The following SNX1 variants were observed in gnomAD, a reference collection of about 807,000 sequenced individuals.
SNX1 encodes the protein sorting nexin-1.
In SNX1, 36 loss-of-function variants were observed where a neutral mutation model predicts 71.8. That is an observed-to-expected ratio of 0.50 (90% CI 0.38 to 0.66). The LOEUF is 0.66. SNX1 is among the 30% of genes least tolerant of loss of function. SNX1 has a pLI of 0.00. For missense variants in SNX1, 612 were observed against 646.7 expected, an observed-to-expected ratio of 0.95 and a Z score of 0.58; for synonymous variants, 254 against 240.7, an observed-to-expected ratio of 1.06 and a Z score of -0.51.
At chr15:64,130,111 GA>G in intron 9 of SNX1, 82 bp downstream of exon 9, 2 of 1,473,788 alleles carry the variant, frequency 1.4e-6, no homozygotes, top group South Asian at 2.3e-5. Flanking sequence ...AAATTTCTGA[GA>G]TTAGAAACTT....
At chr15:64,119,755 A>ACAC (rs1567324958) in intron 4 of SNX1, among the ~76,000 whole-genome samples, 1 of 144,550 alleles carries the variant, frequency 6.9e-6, no homozygotes, top group African/African-American at 2.5e-5. Context: ...CACACACACA[A>ACAC]AAAACATTAT....
At chr15:64,121,786 A>T (rs2081199311) in intron 4 of SNX1, among the ~76,000 whole-genome samples, 1 of 152,222 alleles carries the variant, frequency 6.6e-6, no homozygotes, top group South Asian at 2.1e-4. Context: ...TGATGCCAAG[A>T]AACCAGCTAA....
At chr15:64,133,439 G>T in intron 11 of SNX1, among the ~76,000 whole-genome samples, 1 of 152,220 alleles carries the variant, frequency 6.6e-6, no homozygotes, top group East Asian at 1.9e-4. Context: ...TAGACAATAT[G>T]CAGGGAAGGT....
rs1728007274 is a variant in SNX1 at position 64,134,543 on chromosome 15, TG to T, written c.1222-120del. Reference sequence around the variant, plus strand: ...TCCCAGCTGGGCACTAACATGTGGCTGCAGAACCTGCCCTTGCTCAGTCTGT... The same window carrying T: ...TCCCAGCTGGGCACTAACATGTGGCTCAGAACCTGCCCTTGCTCAGTCTGT... On this transcript the variant is annotated intron_variant, in intron 11 of 14. Coordinates refer to ENST00000559844, the MANE Select transcript of SNX1 (RefSeq NM_003099.5). The surrounding 1 kb of genome is among the most constrained non-coding windows in gnomAD (Gnocchi z 4.1). 8.3e-7 allele frequency: 1 copy of T among 1,203,660 alleles called. No homozygotes were observed. Among genetic ancestry groups the T allele is most frequent in the Admixed American group, 2.6e-5 (1 of 38,378 alleles). The allele number at this position is 1,203,660 out of a possible 1,614,324, so 74.6% of individuals were successfully genotyped here.
Position 64,134,593 on chromosome 15 carries a change from C to T in SNX1, c.1222-71C>T. On this transcript the variant is annotated intron_variant, in intron 11 of 14. Coordinates refer to ENST00000559844, the MANE Select transcript of SNX1 (RefSeq NM_003099.5). This position sits in a 1 kb window ranked among gnomAD's most constrained non-coding sequence, Gnocchi z 4.1. ...GTCCCTGGTGCAGCTGCTGGGAGAGCCTGCCTCGAGGCAGAGCCAGCAGAG... is the reference window on the plus strand; with the variant it reads ...GTCCCTGGTGCAGCTGCTGGGAGAGTCTGCCTCGAGGCAGAGCCAGCAGAG... 1 of 1,529,134 alleles carries T rather than the reference C, an allele frequency of 6.5e-7. No homozygotes were observed. The highest frequency in any genetic ancestry group is 8.8e-7 in the Non-Finnish European group (1 of 1,131,044). 94.7% of individuals were successfully genotyped at this position (1,529,134 alleles called of 1,614,324 possible). A position where few individuals can be genotyped will look rare whatever the true frequency, so the allele number is the denominator to read the frequency against.
chr15:64,136,054 C>G (rs990269665), intron 12 of SNX1, among the ~76,000 whole-genome samples: 2 of 152,216 alleles, frequency 1.3e-5, no homozygotes, highest in Non-Finnish European at 2.9e-5. Flanking sequence ...AGTACCTAAA[C>G]TGGAGGCTGC....
In SNX1 at chr15:64,142,807, C is replaced by T. The variant is rs751213236; in HGVS notation, c.*5189C>T. 2.7e-5 allele frequency: 10 copies of T among 374,386 alleles called. No individual in the cohort carries two copies. The East Asian group carries it at 4.1e-4, about 15-fold the overall frequency. The allele number at this position is 374,386 out of a possible 1,614,324, so 23.2% of individuals were successfully genotyped here. A position where few individuals can be genotyped will look rare whatever the true frequency, so the allele number is the denominator to read the frequency against. On this transcript the variant is annotated 3_prime_UTR_variant, in exon 15 of 15. Transcript: ENST00000559844. ...TCAGTGACAAAATAAATGAGAGAAACGGGAATAAGAATTGTCGCCTACACA... is the reference window on the plus strand; with the variant it reads ...TCAGTGACAAAATAAATGAGAGAAATGGGAATAAGAATTGTCGCCTACACA...
Position 64,131,892 on chromosome 15 carries a change from C to A in SNX1, c.1221C>A (p.Arg407=), listed in dbSNP as rs750456750. The change falls in exon 11 of 15, where the codon CGC becomes CGA. Residue 407 remains arginine (R), a splice_region_variant and synonymous_variant. Coordinates refer to ENST00000559844, the MANE Select transcript of SNX1 (RefSeq NM_003099.5). ...ACATTCGCCTCCTGGCCATAGTCCGCGTAAGCTTCTGTTTCCTTTTCTCCT... is the reference window on the plus strand; with the variant it reads ...ACATTCGCCTCCTGGCCATAGTCCGAGTAAGCTTCTGTTTCCTTTTCTCCT... The part of the protein sequence containing the change: ...SDYIRLLAIV[R]AAFDQRMKTW... 6.2e-7 allele frequency: 1 copy of A among 1,613,454 alleles called. No individual in the cohort carries two copies. Among genetic ancestry groups the A allele is most frequent in the Non-Finnish European group, 8.5e-7 (1 of 1,179,490 alleles).
chr15:64,130,953 A>C (rs1213865486), intron 10 of SNX1, among the ~76,000 whole-genome samples: 1 of 151,844 alleles, frequency 6.6e-6, no homozygotes, highest in Non-Finnish European at 1.5e-5. Flanking sequence ...GGGAGAAAAG[A>C]ATCTGTAGCA....
intron 1 of SNX1, among the ~76,000 whole-genome samples, chr15:64,099,981 G>A (rs1263481042): frequency 1.3e-5 from 2 of 152,160 alleles, no homozygotes; most frequent in Non-Finnish European, 2.9e-5. Flanking sequence ...CAAAGTGCTG[G>A]GATTACAGGC....
At chr15:64,118,062 T>C in intron 2 of SNX1, 55 bp from the exon 3 acceptor site, 7 of 1,571,278 alleles carry the variant, frequency 4.5e-6, no homozygotes, top group Non-Finnish European at 6.1e-6. Context: ...TATACAAGTT[T>C]AGCCTTCAAA....
rs1452979783 is a variant in SNX1, at chr15:64,141,425, C to A, written c.*3807C>A. 1 of 152,212 alleles carries A rather than the reference C, an allele frequency of 6.6e-6. No homozygotes were observed. Among genetic ancestry groups the A allele is most frequent in the Admixed American group, 6.5e-5 (1 of 15,276 alleles). The allele number at this position is 152,212 out of a possible 1,614,324, so 9.4% of individuals were successfully genotyped here. ...GTAGGCCAGTAGTGGGTTAGGGGTACTGAGCCAGAAGCCTCTACAAGGAAT... is the reference window on the plus strand; with the variant it reads ...GTAGGCCAGTAGTGGGTTAGGGGTAATGAGCCAGAAGCCTCTACAAGGAAT... On this transcript the variant is annotated 3_prime_UTR_variant, in exon 15 of 15. Coordinates refer to ENST00000559844, the MANE Select transcript of SNX1 (RefSeq NM_003099.5). This position sits in a 1 kb window ranked among gnomAD's most constrained non-coding sequence, Gnocchi z 5.1.
At chr15:64,106,568 G>T (rs1290565817) in intron 1 of SNX1, among the ~76,000 whole-genome samples, 2 of 152,214 alleles carry the variant, frequency 1.3e-5, no homozygotes, top group Non-Finnish European at 2.9e-5. Context: ...TGGCAAGGGG[G>T]AGTTAAGGTT....
In SNX1 at chr15:64,096,021, C is replaced by T. The variant is rs779691030; in HGVS notation, c.8C>T (p.Ser3Leu). 9.4e-6 allele frequency: 15 copies of T among 1,596,232 alleles called. No individual in the cohort carries two copies. Among genetic ancestry groups the T allele is most frequent in the Non-Finnish European group, 1.2e-5 (14 of 1,175,260 alleles). Residue 3 changes from serine (S) to leucine (L), a missense_variant, in exon 1 of 15, where the codon TCG becomes TTG. By Grantham distance (145) the Ser-to-Leu change is moderately radical. Around this residue, in one of 2 missense-constraint regions of SNX1, gnomAD observed 316 missense variants for 284.9 expected, o/e 1.11. Transcript: ENST00000559844. MASGGGGCSASER... is the reference protein window; with the variant it reads MALGGGGCSASER... ...CGCCGCGGGTGGAAGAAGATGGCGTCGGGTGGTGGTGGCTGTAGCGCTTCG... is the reference window on the plus strand; with the variant it reads ...CGCCGCGGGTGGAAGAAGATGGCGTTGGGTGGTGGTGGCTGTAGCGCTTCG...
At chr15:64,130,855 A>T (rs1860402903) in intron 10 of SNX1, among the ~76,000 whole-genome samples, 1 of 152,246 alleles carries the variant, frequency 6.6e-6, no homozygotes, top group Non-Finnish European at 1.5e-5. Context: ...GGCAAAGTAT[A>T]ATCTGGCCCA....
chr15:64,106,454 T>C (rs930096848), intron 1 of SNX1, among the ~76,000 whole-genome samples: 3 of 152,126 alleles, frequency 2.0e-5, no homozygotes, highest in African/African-American at 7.2e-5. Context: ...TGAAACGTGG[T>C]GGGAGAGGAG....
intron 2 of SNX1, 60 bp downstream of exon 2, chr15:64,112,744 A>G: frequency 9.3e-7 from 1 of 1,076,088 alleles, no homozygotes; most frequent in Non-Finnish European, 1.4e-6. Flanking sequence ...TAAGTTGCTG[A>G]GTTAAAGTCA....
At chr15:64,123,282 C>G (rs915961389) in intron 4 of SNX1, among the ~76,000 whole-genome samples, 1 of 152,198 alleles carries the variant, frequency 6.6e-6, no homozygotes, top group Admixed American at 6.5e-5. Context: ...GTAACTCAAA[C>G]TGGGGCTCAG....
chr15:64,096,266 C>T (rs759772441), intron 1 of SNX1, 94 bp downstream of exon 1: 1 of 1,415,892 alleles, frequency 7.1e-7, no homozygotes, highest in South Asian at 1.3e-5. Context: ...AGAGTGGGCC[C>T]GGTGAGACCT....
Sources: allele counts gnomAD v4.1 joint callset (sites outside exome capture counted in the v4.1 genomes callset), GRCh38; gene constraint gnomAD v4.1.1; regional missense constraint gnomAD v4.1.1; non-coding constraint Gnocchi (gnomAD v3.1); transcripts MANE v1.5; gene names NCBI Gene and HGNC (gene_info 2026-07-23, HGNC 2026-07-21).